Variants in NR4A1 observed in about 807,000 individuals in gnomAD.
NR4A1 encodes nuclear receptor subfamily 4immunitygroup A member 1.
A neutral mutation model predicts 47.5 loss-of-function variants in NR4A1; 24 were observed. That is an observed-to-expected ratio of 0.50 (90% CI 0.37 to 0.71). NR4A1 has a LOEUF of 0.71. Among genes scored for constraint, NR4A1 ranks in the 30% least tolerant of loss-of-function variants. The pLI, the probability that NR4A1 is intolerant of heterozygous loss-of-function variation, is 0.00. For synonymous variants in NR4A1, 353 were observed against 345.7 expected (o/e 1.02, Z -0.24); for missense variants, 669 against 788.6 (o/e 0.85, Z 1.82).
upstream of NR4A1, among the ~76,000 whole-genome samples, chr12:52,047,986 C>A (rs1938724132): frequency 6.6e-6 from 1 of 151,616 alleles, no homozygotes; most frequent in Non-Finnish European, 1.5e-5. Context: ...AACCCCGTCT[C>A]TACTAAAAAT....
At chr12:52,023,933 C>G (rs1371022277) in intron 1 of NR4A1, among the ~76,000 whole-genome samples, 3 of 152,252 alleles carry the variant, frequency 2.0e-5, no homozygotes, top group East Asian at 1.9e-4. Context: ...CCTGGACCCC[C>G]CTGGACCTCT....
chr12:52,054,900 C>T lies in NR4A1; in HGVS notation c.572C>T (p.Ser191Phe). Reference sequence around the variant, plus strand: ...CCCCCACAGCCTCCAGCCTTCTTTTCCTTCAGTCCTCCCACCGGCCCCAGC... The same window carrying T: ...CCCCCACAGCCTCCAGCCTTCTTTTTCTTCAGTCCTCCCACCGGCCCCAGC... ...SGPPQPPAFF[S>F]FSPPTGPSPS... Residue 191 changes from serine to phenylalanine, a missense_variant, in exon 2 of 7, where the codon TCC (serine) becomes TTC (phenylalanine). Coordinates refer to ENST00000394825, the MANE Select transcript of NR4A1 (RefSeq NM_173157.3). The T allele has an allele frequency of 6.2e-7, 1 of 1,614,174 alleles. No individual in the cohort carries two copies. The highest frequency in any genetic ancestry group is 8.5e-7 in the Non-Finnish European group (1 of 1,180,040).
chr12:52,055,281 T>G (rs764612173), intron 2 of NR4A1, 77 bp downstream of exon 2: 5 of 1,561,262 alleles, frequency 3.2e-6, no homozygotes, highest in Non-Finnish European at 4.3e-6. Flanking sequence ...ACCTGTGGTC[T>G]CCCCCTGGGT....
chr12:52,051,351 C>T (rs1416544036), upstream of NR4A1: 7 of 983,044 alleles, frequency 7.1e-6, no homozygotes, highest in East Asian at 1.1e-4. Context: ...CTTGTATGGC[C>T]AAAGCTCGAC....
At chr12:52,030,058 T>C (rs937725161) in intron 1 of NR4A1, among the ~76,000 whole-genome samples, 4 of 152,202 alleles carry the variant, frequency 2.6e-5, no homozygotes, top group Non-Finnish European at 5.9e-5. Context: ...AGTTCCAGCT[T>C]GGGCAAGAAG....
intron 1 of NR4A1, chr12:52,038,066 C>G (rs1007890453): frequency 3.0e-6 from 3 of 986,192 alleles, no homozygotes; most frequent in Non-Finnish European, 3.6e-6. Flanking sequence ...CCAACGCCCC[C>G]CCTTTCTTTT....
At chr12:52,044,354 C>T (rs961228306) in intron 2 of NR4A1, among the ~76,000 whole-genome samples, 2 of 152,190 alleles carry the variant, frequency 1.3e-5, no homozygotes, top group Admixed American at 6.5e-5. Flanking sequence ...CCTGGCCTGC[C>T]CCGCTTGCCG....
chr12:52,038,228 C>T (rs1415411666), intron 1 of NR4A1: 1 of 260,442 alleles, frequency 3.8e-6, no homozygotes, highest in Admixed American at 6.2e-5. Flanking sequence ...CCACGCCCGG[C>T]TAATTTTTGT....
intron 1 of NR4A1, among the ~76,000 whole-genome samples, chr12:52,025,063 C>CTTT (rs532559170): frequency 4.5e-5 from 6 of 132,186 alleles, no homozygotes; most frequent in African/African-American, 1.1e-4. Flanking sequence ...CTCACTGCTG[C>CTTT]TTTTTTTTTT....
intron 1 of NR4A1, among the ~76,000 whole-genome samples, chr12:52,036,331 T>C (rs1367396323): frequency 6.6e-6 from 1 of 152,028 alleles, no homozygotes; most frequent in Admixed American, 6.6e-5. Context: ...GAGGGTGGGC[T>C]TCCCAGGGCT....
At chr12:52,053,297 GC>G (rs773144692) in intron 1 of NR4A1, 1 of 152,012 alleles carries the variant, frequency 6.6e-6, no homozygotes, top group Non-Finnish European at 1.5e-5. Context: ...AACCCCCTTT[GC>G]CTGAGCCTCT....
chr12:52,037,475 C>A, intron 1 of NR4A1: 1 of 983,520 alleles, frequency 1.0e-6, no homozygotes, highest in Non-Finnish European at 1.2e-6. Context: ...GGGAGGTGGG[C>A]CCCGGAGAGG....
At chr12:52,042,617 T>C (rs1357604247) in intron 2 of NR4A1, among the ~76,000 whole-genome samples, 1 of 152,034 alleles carries the variant, frequency 6.6e-6, no homozygotes, top group Non-Finnish European at 1.5e-5. Context: ...CCCAGAACCA[T>C]GCCTCCTGGG....
chr12:52,054,004 A>C, intron 1 of NR4A1: 1 of 296,546 alleles, frequency 3.4e-6, no homozygotes. Flanking sequence ...GGGCTGGAGG[A>C]ACACAGCTTC....
intron 1 of NR4A1, among the ~76,000 whole-genome samples, chr12:52,028,361 G>A (rs547505451): frequency 3.3e-5 from 5 of 151,904 alleles, no homozygotes; most frequent in Admixed American, 2.6e-4. Context: ...AGATCATGAG[G>A]TCAAGTGATC....
intron 2 of NR4A1, chr12:52,041,992 G>T (rs1401367431): frequency 1.6e-6 from 2 of 1,266,538 alleles, no homozygotes; most frequent in South Asian, 2.9e-5. Flanking sequence ...GGGCAGAGGT[G>T]GGGGTGGAGC....
In NR4A1 at chr12:52,057,518, GTCC is replaced by G; in HGVS notation, c.1531_1533del (p.Leu511del). ...TGCCTTCGCCTGCCTCTCTGCCCTT[GTCC>G]TCATCACCGGTGAGTGACCAGCACC... On this transcript the variant is annotated inframe_deletion, in exon 6 of 7. Transcript: ENST00000394825. 6.2e-7 allele frequency: 1 copy of G among 1,614,044 alleles called. No individual in the cohort carries two copies. Among genetic ancestry groups the G allele is most frequent in the Non-Finnish European group, 8.5e-7 (1 of 1,180,036 alleles).
chr12:52,032,615 T>C (rs1021699806), intron 1 of NR4A1, among the ~76,000 whole-genome samples: 3 of 152,220 alleles, frequency 2.0e-5, no homozygotes, highest in African/African-American at 7.2e-5. Context: ...GAGCTGTGTC[T>C]GTTTTGTTCT....
chr12:52,051,430 G>A (rs1235116857), upstream of NR4A1: 1 of 985,576 alleles, frequency 1.0e-6, no homozygotes, highest in South Asian at 4.7e-5. Context: ...GGAGGGTCGG[G>A]CTCGGCCGGG....
Sources: allele counts gnomAD v4.1 joint callset (sites outside exome capture counted in the v4.1 genomes callset), GRCh38; gene constraint gnomAD v4.1.1; transcripts MANE v1.5; gene names NCBI Gene and HGNC (gene_info 2026-07-23, HGNC 2026-07-21).